Variants in CHN2 observed in about 807,000 individuals in gnomAD.
The protein encoded by CHN2 is beta-chimaerin.
CHN2 carries 35 observed loss-of-function variants against 56.3 expected under a neutral mutation model. That is an observed-to-expected ratio of 0.62 (90% confidence interval 0.47 to 0.82). The LOEUF (loss-of-function observed/expected upper bound fraction) is 0.82, where lower values mean the gene tolerates loss of function less well. Among genes scored for constraint, CHN2 ranks in the 40% least tolerant of loss-of-function variants. The pLI, the probability that CHN2 is intolerant of heterozygous loss-of-function variation, is 0.00. For missense variants in CHN2, 491 were observed against 580.5 expected, an observed-to-expected ratio of 0.85 and a Z score of 1.58; for synonymous variants, 210 against 212.8, an observed-to-expected ratio of 0.99 and a Z score of 0.12.
chr7:29,499,923 C>G lies in CHN2; in HGVS notation c.796C>G (p.Pro266Ala). 1 of 1,612,642 alleles carries G rather than the reference C, an allele frequency of 6.2e-7. No individual in the cohort carries two copies. Among genetic ancestry groups the G allele is most frequent in the Non-Finnish European group, 8.5e-7 (1 of 1,179,584 alleles). The change falls in exon 9 of 13, where the codon CCT becomes GCT. Residue 266 changes from proline (P) to alanine (A), a missense_variant. Coordinates refer to ENST00000222792, the MANE Select transcript of CHN2 (RefSeq NM_004067.4). ...CAAGCACGTTCCCAATGACTGCCAACCTGATCTCAAGAGGATCAAGAAAGT... is the reference window on the plus strand; with the variant it reads ...CAAGCACGTTCCCAATGACTGCCAAGCTGATCTCAAGAGGATCAAGAAAGT... ...CSKHVPNDCQ[P>A]DLKRIKKVYC...
In CHN2 at chr7:29,331,800, G is replaced by A. The variant is rs570934334; in HGVS notation, c.50-22825G>A. Among the ~76,000 whole-genome samples the A allele has an allele frequency of 9.1e-4, 138 of 152,188 alleles. No homozygotes were observed. In the Middle Eastern group the frequency reaches 0.01, roughly 11 times the overall value. On this transcript the variant is annotated intron_variant, in intron 1 of 12. Transcript: ENST00000222792. ...TTTGGGGCCAGGTGTGGTGGCTCAC[G>A]CCTGTAATCCCAGCACTTTGGGAGG...
intron 1 of CHN2, chr7:29,200,787 C>G (rs1784099447): frequency 6.6e-6 from 1 of 152,084 alleles, no homozygotes; most frequent in Non-Finnish European, 1.5e-5. Flanking sequence ...GTCTCCATGG[C>G]TAGAGGAAAC....
At chr7:29,252,505 C>A (rs561987622) in intron 1 of CHN2, among the ~76,000 whole-genome samples, 2 of 147,848 alleles carry the variant, frequency 1.4e-5, no homozygotes, top group East Asian at 4.1e-4. Flanking sequence ...CAGGATTACA[C>A]GAGATAGTCT....
At chr7:29,194,578 G>C (rs2128760027), upstream of CHN2, 1 of 217,940 alleles carries the variant, frequency 4.6e-6, no homozygotes, top group East Asian at 9.7e-5. Context: ...GGAGCTGCCA[G>C]GACGCCCTGG....
At chr7:29,329,506 C>T (rs1466382094) in intron 1 of CHN2, among the ~76,000 whole-genome samples, 1 of 149,714 alleles carries the variant, frequency 6.7e-6, no homozygotes, top group Non-Finnish European at 1.5e-5. Flanking sequence ...CTTTTCTTAT[C>T]AGATGTAAAT....
chr7:29,279,964 C>T (rs1384086735), intron 1 of CHN2, among the ~76,000 whole-genome samples: 1 of 152,142 alleles, frequency 6.6e-6, no homozygotes. Flanking sequence ...TTGTCAAAAT[C>T]AAGAGGCCCC....
Position 29,512,484 on chromosome 7 carries a change from G to A in CHN2, c.1236-80G>A, listed in dbSNP as rs1241250728. On this transcript the variant is annotated intron_variant, in intron 12 of 12. Transcript: ENST00000222792. ...AATTTCCTGAACCAGAGATGTTATC[G>A]GGACTTACATACATAATCAATACAT... 15 of 1,213,858 alleles carry A rather than the reference G, an allele frequency of 1.2e-5. 1 individual carries two copies. The highest frequency in any genetic ancestry group is 7.0e-5 in the South Asian group (4 of 56,790). The allele number at this position is 1,213,858 out of a possible 1,614,324, so 75.2% of individuals were successfully genotyped here. A position where few individuals can be genotyped will look rare whatever the true frequency, so the allele number is the denominator to read the frequency against.
chr7:29,360,603 G>T (rs967778932), intron 2 of CHN2, among the ~76,000 whole-genome samples: 1 of 152,348 alleles, frequency 6.6e-6, no homozygotes, highest in East Asian at 1.9e-4. Context: ...AGCCAAGGAA[G>T]ACACCTAAAG....
intron 3 of CHN2, among the ~76,000 whole-genome samples, chr7:29,377,743 A>G (rs1800185639): frequency 6.6e-6 from 1 of 152,212 alleles, no homozygotes; most frequent in South Asian, 2.1e-4. Flanking sequence ...TTCTTTGGCT[A>G]TGTCCTTTAG....
chr7:29,351,107 CAAAAAAAA>C (rs55787771), intron 1 of CHN2, among the ~76,000 whole-genome samples: 3 of 70,074 alleles, frequency 4.3e-5, no homozygotes, highest in Admixed American at 1.8e-4. Flanking sequence ...GACTCCATCT[CAAAAAAAA>C]AAAAAAAAAA....
At chr7:29,250,618 C>T (rs245963) in intron 1 of CHN2, among the ~76,000 whole-genome samples, 1 of 152,042 alleles carries the variant, frequency 6.6e-6, no homozygotes, top group South Asian at 2.1e-4. Context: ...CCGGTTAAAC[C>T]TTAAGTTGCT....
intron 1 of CHN2, among the ~76,000 whole-genome samples, chr7:29,293,857 ATTTTTTTTTTTT>A (rs70980522): frequency 5.1e-5 from 4 of 78,496 alleles, no homozygotes; most frequent in African/African-American, 1.0e-4. Context: ...GAGGCTGGGA[ATTTTTTTTTTTT>A]TTTTTTTTTT....
intron 1 of CHN2, among the ~76,000 whole-genome samples, chr7:29,223,018 A>G (rs1175626385): frequency 2.0e-5 from 3 of 152,156 alleles, no homozygotes; most frequent in Non-Finnish European, 2.9e-5. Context: ...GGAAAAGTAC[A>G]CTCAACCCAA....
At chr7:29,237,708 A>G (rs1022954978) in intron 1 of CHN2, among the ~76,000 whole-genome samples, 5 of 152,134 alleles carry the variant, frequency 3.3e-5, no homozygotes, top group Admixed American at 2.6e-4. Context: ...AGATTAGGCA[A>G]TAGAGCTGGA....
At position 29,179,497 on chromosome 7, in the gene CHN2, C is replaced by T. The variant is rs142668155; in HGVS notation, c.274+32537C>T. Among the ~76,000 whole-genome samples, 394 of 152,354 alleles carry T rather than the reference C, an allele frequency of 2.6e-3. 3 individuals are homozygous for T. Among genetic ancestry groups the T allele is most frequent in the African/African-American group, 9.1e-3 (379 of 41,572 alleles). ...AGAAAATCCAGGAACCCAGACTCAA[C>T]ACAAATTCTTCAGGAGTGAGAAGGA... On this transcript the variant is annotated intron_variant, in intron 2 of 6. Coordinates refer to the CHN2 transcript ENST00000439384.
intron 1 of CHN2, among the ~76,000 whole-genome samples, chr7:29,319,866 G>A (rs774987698): frequency 6.6e-6 from 1 of 152,110 alleles, no homozygotes; most frequent in African/African-American, 2.4e-5. Flanking sequence ...CACAGTGAAC[G>A]AGCCAGTGTT....
intron 6 of CHN2, among the ~76,000 whole-genome samples, chr7:29,422,885 CT>C (rs1804485672): frequency 6.6e-6 from 1 of 152,168 alleles, no homozygotes; most frequent in Admixed American, 6.5e-5. Context: ...GAGAAACACA[CT>C]TTGGGAGAAG....
At chr7:29,284,157 G>A (rs560194960) in intron 1 of CHN2, among the ~76,000 whole-genome samples, 1 of 151,470 alleles carries the variant, frequency 6.6e-6, no homozygotes, top group South Asian at 2.1e-4. Flanking sequence ...GTGCAGTGGT[G>A]CGATCTCCCC....
At chr7:29,147,648 T>C (rs1792944496) in intron 2 of CHN2, among the ~76,000 whole-genome samples, 1 of 152,146 alleles carries the variant, frequency 6.6e-6, no homozygotes, top group African/African-American at 2.4e-5. Context: ...ATACCTTCCA[T>C]ATGGAAGTAC....
Sources: gnomAD v4.1 joint callset for allele counts (sites outside exome capture counted in the v4.1 genomes callset) on GRCh38, gnomAD v4.1.1 for gene constraint, MANE v1.5 for transcripts, NCBI Gene and HGNC (gene_info 2026-07-23, HGNC 2026-07-21) for gene names.